FRMD5: variants seen among roughly 807,000 people sequenced by gnomAD.
FRMD5 encodes FERM domain containing 5, also known as FERM domain-containing protein 5.
A neutral mutation model predicts 69.0 loss-of-function variants in FRMD5; 20 were observed. The ratio of observed to expected loss-of-function variants is 0.29; its 90% CI spans 0.20 to 0.42. The LOEUF (loss-of-function observed/expected upper bound fraction) is 0.42, where lower values mean the gene tolerates loss of function less well. FRMD5 is among the 10% of genes least tolerant of loss of function. FRMD5 has a pLI of 1.00. For synonymous variants in FRMD5, 271 were observed against 260.1 expected, an observed-to-expected ratio of 1.04 and a Z score of -0.40; for missense variants, 595 against 708.6, an observed-to-expected ratio of 0.84 and a Z score of 1.82.
rs745917945 is a variant in FRMD5, at chr15:43,946,054, C to CA, written c.103-21746dup. Among the ~76,000 whole-genome samples the CA allele has an allele frequency of 8.2e-3, 1,108 of 135,938 alleles. 14 individuals are homozygous for CA. The highest frequency in any genetic ancestry group is 0.03 in the South Asian group (127 of 4,252). The allele number at this position is 135,938 out of a possible 152,430, so 89.2% of individuals were successfully genotyped here. On this transcript the variant is annotated intron_variant, in intron 1 of 13. Coordinates refer to ENST00000417257, the MANE Select transcript of FRMD5 (RefSeq NM_032892.5). ...TGGGCAACAGAGCGAGACTCTGTCTCAAAAAAAAAAAAAAATTCCCCAAAG... is the reference window on the plus strand; with the variant it reads ...TGGGCAACAGAGCGAGACTCTGTCTCAAAAAAAAAAAAAAAATTCCCCAAAG...
At chr15:44,071,061 A>T (rs1893519093) in intron 1 of FRMD5, among the ~76,000 whole-genome samples, 1 of 152,146 alleles carries the variant, frequency 6.6e-6, no homozygotes, top group Admixed American at 6.5e-5. Flanking sequence ...CATCTCTCTG[A>T]GCCTGCTTCC....
At chr15:44,017,819 C>T (rs1055183715) in intron 1 of FRMD5, among the ~76,000 whole-genome samples, 1 of 151,838 alleles carries the variant, frequency 6.6e-6, no homozygotes, top group Non-Finnish European at 1.5e-5. Flanking sequence ...CCATGTTAGC[C>T]AGGATGGTCT....
chr15:44,009,752 T>C (rs769924722), intron 1 of FRMD5, among the ~76,000 whole-genome samples: 1 of 152,192 alleles, frequency 6.6e-6, no homozygotes. Context: ...TGTGTACTTC[T>C]AGGTACTAAG....
chr15:44,145,090 T>C (rs2077336701), intron 1 of FRMD5, among the ~76,000 whole-genome samples: 3 of 152,200 alleles, frequency 2.0e-5, no homozygotes, highest in East Asian at 1.9e-4. Context: ...CAGGGGGATA[T>C]ATAAACTACA....
At chr15:44,014,904 T>C (rs921926719) in intron 1 of FRMD5, among the ~76,000 whole-genome samples, 3 of 152,212 alleles carry the variant, frequency 2.0e-5, no homozygotes, top group African/African-American at 7.2e-5. Flanking sequence ...ATTATAAACT[T>C]AGTTAACTTT....
At chr15:44,030,840 AACTT>A (rs1891647641) in intron 1 of FRMD5, among the ~76,000 whole-genome samples, 1 of 152,180 alleles carries the variant, frequency 6.6e-6, no homozygotes, top group Admixed American at 6.5e-5. Context: ...GGATGAGAGA[AACTT>A]AAGAGTGCAA....
At chr15:43,916,560 G>A (rs1385652060) in intron 4 of FRMD5, among the ~76,000 whole-genome samples, 3 of 152,090 alleles carry the variant, frequency 2.0e-5, no homozygotes, top group East Asian at 1.9e-4. Flanking sequence ...TAATCTTCCC[G>A]ACAATTCTAT....
At chr15:44,110,989 T>C (rs547826630) in intron 1 of FRMD5, among the ~76,000 whole-genome samples, 37 of 152,348 alleles carry the variant, frequency 2.4e-4, no homozygotes, top group Admixed American at 3.9e-4. Context: ...AACTCTATTA[T>C]AATGCTACTT....
At chr15:43,968,702 C>G (rs1431158795) in intron 1 of FRMD5, among the ~76,000 whole-genome samples, 5 of 152,102 alleles carry the variant, frequency 3.3e-5, no homozygotes, top group Non-Finnish European at 7.4e-5. Flanking sequence ...ATTGGCTAGT[C>G]TAAAGGAAAT....
intron 1 of FRMD5, among the ~76,000 whole-genome samples, chr15:44,029,644 A>T (rs1891592632): frequency 6.6e-6 from 1 of 152,244 alleles, no homozygotes; most frequent in African/African-American, 2.4e-5. Flanking sequence ...CTAAAACACA[A>T]GGCTATATAG....
intron 1 of FRMD5, among the ~76,000 whole-genome samples, chr15:44,107,132 A>T (rs2076731327): frequency 6.6e-6 from 1 of 152,232 alleles, no homozygotes; most frequent in South Asian, 2.1e-4. Flanking sequence ...TTCACAAATT[A>T]CAAAATGTAT....
intron 1 of FRMD5, among the ~76,000 whole-genome samples, chr15:43,958,294 C>A (rs1312826298): frequency 6.6e-6 from 1 of 151,542 alleles, no homozygotes; most frequent in African/African-American, 2.4e-5. Flanking sequence ...AGGACCATGC[C>A]TTAGAGTACC....
chr15:44,051,469 C>T (rs1465020028), intron 1 of FRMD5, among the ~76,000 whole-genome samples: 1 of 151,752 alleles, frequency 6.6e-6, no homozygotes, highest in Non-Finnish European at 1.5e-5. Flanking sequence ...AAACATAGTA[C>T]AGACTTCCAA....
chr15:43,972,660 C>T (rs2090399777), intron 1 of FRMD5, among the ~76,000 whole-genome samples: 1 of 152,178 alleles, frequency 6.6e-6, no homozygotes, highest in Admixed American at 6.5e-5. Flanking sequence ...CTAACCTATA[C>T]AACTGTACAG....
At chr15:44,030,068 C>T (rs567776813) in intron 1 of FRMD5, among the ~76,000 whole-genome samples, 98 of 152,240 alleles carry the variant, frequency 6.4e-4, no homozygotes, top group African/African-American at 2.2e-3. Flanking sequence ...CTCAAAGAGA[C>T]TGGAACATGG....
At chr15:43,997,295 C>T (rs1269344320) in intron 1 of FRMD5, among the ~76,000 whole-genome samples, 1 of 152,156 alleles carries the variant, frequency 6.6e-6, no homozygotes, top group African/African-American at 2.4e-5. Flanking sequence ...TCATTGTTGT[C>T]CTGTTCTCTG....
At chr15:44,008,089 ATTTTT>A in intron 1 of FRMD5, among the ~76,000 whole-genome samples, 1 of 62,820 alleles carries the variant, frequency 1.6e-5, no homozygotes, top group East Asian at 4.5e-4. Flanking sequence ...ACAATCGGCA[ATTTTT>A]TTTTTTTTTT....
At chr15:44,028,479 C>T (rs560849676) in intron 1 of FRMD5, among the ~76,000 whole-genome samples, 31 of 152,362 alleles carry the variant, frequency 2.0e-4, no homozygotes, top group African/African-American at 7.5e-4. Context: ...AAGATCAACT[C>T]TCAGGCAGCC....
At position 43,999,969 on chromosome 15, in the gene FRMD5, T is replaced by TGCCATGC. The variant is rs59520778; in HGVS notation, c.103-75661_103-75660insGCATGGC. Among the ~76,000 whole-genome samples, 10 of 14,872 alleles carry TGCCATGC rather than the reference T, an allele frequency of 6.7e-4. 1 individual carries two copies. Among genetic ancestry groups the TGCCATGC allele is most frequent in the East Asian group, 2.6e-3 (1 of 378 alleles). 9.8% of individuals were successfully genotyped at this position (14,872 alleles called of 152,430 possible). On this transcript the variant is annotated intron_variant, in intron 1 of 13. Coordinates refer to ENST00000417257, the MANE Select transcript of FRMD5 (RefSeq NM_032892.5). ...TATGCCATGCATATATATATATATA[T>TGCCATGC]ATATATATATATATATATATGTGCC...
Sources: allele counts gnomAD v4.1 joint callset (sites outside exome capture counted in the v4.1 genomes callset), GRCh38; gene constraint gnomAD v4.1.1; transcripts MANE v1.5; gene names NCBI Gene and HGNC (gene_info 2026-07-23, HGNC 2026-07-21).